GABBR2: variants seen among roughly 807,000 people sequenced by gnomAD.
The protein encoded by GABBR2 is G-protein coupled receptor 51.
Under a neutral mutation model 105.6 loss-of-function variants are expected in GABBR2, and 23 were observed. The ratio of observed to expected loss-of-function variants is 0.22; its 90% CI spans 0.16 to 0.31. GABBR2 has a LOEUF of 0.31. Ranked by LOEUF, GABBR2 falls within the 10% of genes least tolerant of loss-of-function variation. The pLI is 1.00. For synonymous variants in GABBR2, 478 were observed against 499.7 expected, an observed-to-expected ratio of 0.96 and a Z score of 0.58; for missense variants, 734 against 1,245.5, an observed-to-expected ratio of 0.59 and a Z score of 6.18.
rs1053006846 is a variant in GABBR2, at chr9:98,388,660, T to TGTGCGC, written c.1529+193_1529+194insGCGCAC. Among the ~76,000 whole-genome samples, 5 of 141,708 alleles carry TGTGCGC rather than the reference T, an allele frequency of 3.5e-5. No individual in the cohort carries two copies. Among genetic ancestry groups the TGTGCGC allele is most frequent in the African/African-American group, 1.4e-4 (5 of 35,926 alleles). The allele number at this position is 141,708 out of a possible 152,430, so 93.0% of individuals were successfully genotyped here. A position where few individuals can be genotyped will look rare whatever the true frequency, so the allele number is the denominator to read the frequency against. On this transcript the variant is annotated intron_variant, in intron 10 of 18. Coordinates refer to ENST00000259455, the MANE Select transcript of GABBR2 (RefSeq NM_005458.8). The surrounding 1 kb of genome is among the most constrained non-coding windows in gnomAD (Gnocchi z 4.4). Reference sequence around the variant, plus strand: ...GTGTGTGTGTGTGTGTGTGTGTGTGTGCGTGCACGCACACACACGTACTCA... The same window carrying TGTGCGC: ...GTGTGTGTGTGTGTGTGTGTGTGTGTGTGCGCGCGTGCACGCACACACACGTACTCA...
intron 13 of GABBR2, among the ~76,000 whole-genome samples, chr9:98,338,970 A>G (rs1475650155): frequency 6.6e-6 from 1 of 152,258 alleles, no homozygotes; most frequent in Non-Finnish European, 1.5e-5. Flanking sequence ...TAAAGTGCAG[A>G]TACATGAAGG....
Position 98,502,596 on chromosome 9 carries a change from C to A in GABBR2, c.631-6082G>T, listed in dbSNP as rs182716734. 4.6e-5 allele frequency among the ~76,000 whole-genome samples: 7 copies of A among 152,318 alleles called. No homozygotes were observed. In the East Asian group the frequency reaches 1.4e-3, roughly 29 times the overall value. ...TCCTAACCCCTGCAACTCCCTGCTACCCACAGGTAGGGCCAGTGAACCCCT... is the reference window on the plus strand; with the variant it reads ...TCCTAACCCCTGCAACTCCCTGCTAACCACAGGTAGGGCCAGTGAACCCCT... On this transcript the variant is annotated intron_variant, in intron 3 of 18. Transcript: ENST00000259455.
chr9:98,448,171 G>A (rs966122564), intron 7 of GABBR2, among the ~76,000 whole-genome samples: 4 of 151,904 alleles, frequency 2.6e-5, no homozygotes, highest in African/African-American at 9.7e-5. Flanking sequence ...AACTTAATGG[G>A]TCACTCTCTT....
chr9:98,589,407 A>C (rs375894019), intron 1 of GABBR2, among the ~76,000 whole-genome samples: 1 of 152,192 alleles, frequency 6.6e-6, no homozygotes, highest in South Asian at 2.1e-4. Flanking sequence ...AGCAAGAAAT[A>C]ACTTTCATGC....
At chr9:98,387,998 G>A (rs1415324731) in intron 10 of GABBR2, among the ~76,000 whole-genome samples, 1 of 152,190 alleles carries the variant, frequency 6.6e-6, no homozygotes, top group African/African-American at 2.4e-5. Context: ...CACCATGTAG[G>A]TGGTCACTGT....
At chr9:98,635,292 C>A (rs1192885815) in intron 1 of GABBR2, among the ~76,000 whole-genome samples, 2 of 152,166 alleles carry the variant, frequency 1.3e-5, no homozygotes, top group Admixed American at 6.5e-5. Context: ...GGTGGGCACA[C>A]CAGACCCAAG....
At chr9:98,491,868 A>G (rs982109811) in intron 4 of GABBR2, among the ~76,000 whole-genome samples, 1 of 152,160 alleles carries the variant, frequency 6.6e-6, no homozygotes, top group Non-Finnish European at 1.5e-5. Flanking sequence ...ATGGGTTCCA[A>G]TGATCCCTGC....
chr9:98,364,864 G>T (rs1831648897), intron 12 of GABBR2, among the ~76,000 whole-genome samples: 1 of 152,190 alleles, frequency 6.6e-6, no homozygotes, highest in Non-Finnish European at 1.5e-5. Context: ...GCCTCCCAAA[G>T]TGCTGTGGTT....
intron 5 of GABBR2, among the ~76,000 whole-genome samples, chr9:98,479,789 T>C (rs1826874693): frequency 6.6e-6 from 1 of 152,202 alleles, no homozygotes; most frequent in Non-Finnish European, 1.5e-5. Flanking sequence ...TCTGGCACTG[T>C]GCTCATGCTG....
intron 13 of GABBR2, among the ~76,000 whole-genome samples, chr9:98,352,757 C>T (rs1048090746): frequency 6.6e-6 from 1 of 152,000 alleles, no homozygotes; most frequent in Non-Finnish European, 1.5e-5. Flanking sequence ...CTGGGGGTAG[C>T]CTTCCTGGTG....
rs529181923 is a variant in GABBR2 at position 98,371,575 on chromosome 9, G to C, written c.1663-4C>G. On this transcript the variant is annotated splice_region_variant and splice_polypyrimidine_tract_variant and intron_variant, in intron 11 of 18. Transcript: ENST00000259455. ...CGGTGAGAATCCAGGTCCTGACCTA[G>C]AGGCCATGAGAAAACAGAGGCATTG... The C allele has an allele frequency of 1.3e-6, 2 of 1,556,636 alleles. No individual in the cohort carries two copies. The highest frequency in any genetic ancestry group is 4.5e-5 in the East Asian group (2 of 44,624).
chr9:98,407,520 T>C (rs1256892364), intron 7 of GABBR2, among the ~76,000 whole-genome samples: 1 of 152,242 alleles, frequency 6.6e-6, no homozygotes, highest in East Asian at 1.9e-4. Context: ...ACAGGAGCTG[T>C]GATTTTTATT....
chr9:98,322,553 TAA>T (rs1830842044), intron 13 of GABBR2, among the ~76,000 whole-genome samples: 1 of 151,942 alleles, frequency 6.6e-6, no homozygotes, highest in Non-Finnish European at 1.5e-5. Flanking sequence ...CAGACTGCAG[TAA>T]AGACATCCGG....
intron 1 of GABBR2, among the ~76,000 whole-genome samples, chr9:98,601,230 A>G (rs1588246285): frequency 6.6e-6 from 1 of 152,364 alleles, no homozygotes; most frequent in East Asian, 1.9e-4. Context: ...AAAAAACAAA[A>G]CATGGGCTGG....
chr9:98,560,023 C>CAA (rs774384702), intron 2 of GABBR2, among the ~76,000 whole-genome samples: 64 of 150,556 alleles, frequency 4.3e-4, no homozygotes, highest in Non-Finnish European at 8.3e-4. Context: ...CTCATATTTT[C>CAA]AATAAGAAAA....
At chr9:98,467,190 C>T (rs58294415) in intron 6 of GABBR2, among the ~76,000 whole-genome samples, 7,027 of 152,232 alleles carry the variant, frequency 0.046, 532 homozygotes, top group African/African-American at 0.16. Context: ...CGGTTAAAAA[C>T]CAGAGTTGCG....
intron 1 of GABBR2, among the ~76,000 whole-genome samples, chr9:98,630,077 T>A (rs7853536): frequency 0.023 from 3,441 of 152,246 alleles, 68 homozygotes; most frequent in Middle Eastern, 0.051. Context: ...ACCCTACCTA[T>A]GGGCTTCTCA....
At chr9:98,689,293 T>C (rs1206845692) in intron 1 of GABBR2, among the ~76,000 whole-genome samples, 1 of 152,148 alleles carries the variant, frequency 6.6e-6, no homozygotes. Flanking sequence ...TTACTAGACA[T>C]GTAACTTTAG....
chr9:98,571,814 G>A (rs1278331570), intron 2 of GABBR2, among the ~76,000 whole-genome samples: 1 of 152,208 alleles, frequency 6.6e-6, no homozygotes, highest in Non-Finnish European at 1.5e-5. Flanking sequence ...GCTTCCAGAG[G>A]CAGGGCTTGC....
Sources: allele counts gnomAD v4.1 joint callset (sites outside exome capture counted in the v4.1 genomes callset), GRCh38; gene constraint gnomAD v4.1.1; non-coding constraint Gnocchi (gnomAD v3.1); transcripts MANE v1.5; gene names NCBI Gene and HGNC (gene_info 2026-07-23, HGNC 2026-07-21).